The following TUT4 variants were observed in gnomAD, a reference collection of about 807,000 sequenced individuals.
TUT4 encodes the protein terminal uridylyltransferase 4.
In TUT4, 36 loss-of-function variants were observed where a neutral mutation model predicts 192.2. That is an observed-to-expected ratio of 0.19 (90% CI 0.14 to 0.25). The LOEUF is 0.25. TUT4 is among the 10% of genes least tolerant of loss of function. The pLI, the probability that TUT4 is intolerant of heterozygous loss-of-function variation, is 1.00. For missense variants in TUT4, 1,493 were observed against 1,957.2 expected, an observed-to-expected ratio of 0.76 and a Z score of 4.47; for synonymous variants, 618 against 666.0, an observed-to-expected ratio of 0.93 and a Z score of 1.11.
intron 20 of TUT4, among the ~76,000 whole-genome samples, chr1:52,453,094 C>T (rs953995126): frequency 6.6e-6 from 1 of 152,044 alleles, no homozygotes; most frequent in Admixed American, 6.6e-5. Flanking sequence ...ATAGAAAAAA[C>T]ATTTTGGGGG....
intron 2 of TUT4, among the ~76,000 whole-genome samples, chr1:52,518,390 G>A (rs955140581): frequency 3.3e-5 from 5 of 152,216 alleles, no homozygotes; most frequent in African/African-American, 1.2e-4. Flanking sequence ...TGTCTGGTGA[G>A]GGCTCTCTCC....
chr1:52,459,822 C>T (rs1662061007), intron 19 of TUT4, among the ~76,000 whole-genome samples: 5 of 151,860 alleles, frequency 3.3e-5, no homozygotes, highest in Admixed American at 6.6e-5. Context: ...GTGGAGGTTG[C>T]AGTGAGCCGA....
intron 1 of TUT4, among the ~76,000 whole-genome samples, chr1:52,546,377 G>C (rs1688097519): frequency 6.6e-6 from 1 of 152,104 alleles, no homozygotes; most frequent in African/African-American, 2.4e-5. Context: ...TAAAAAAGAA[G>C]GAAATTCTGC....
At chr1:52,424,817 C>T (rs1006746833) in intron 29 of TUT4, 8 of 152,296 alleles carry the variant, frequency 5.3e-5, no homozygotes, top group African/African-American at 1.9e-4. Context: ...GCTCAGTAAA[C>T]CAAGTCCAAA....
At chr1:52,512,425 A>G (rs1446219267) in intron 3 of TUT4, among the ~76,000 whole-genome samples, 1 of 152,230 alleles carries the variant, frequency 6.6e-6, no homozygotes, top group Non-Finnish European at 1.5e-5. Context: ...ATGTTTAAAG[A>G]ATTTAAATAA....
At chr1:52,536,052 G>A (rs1684813421) in intron 1 of TUT4, among the ~76,000 whole-genome samples, 1 of 152,130 alleles carries the variant, frequency 6.6e-6, no homozygotes, top group African/African-American at 2.4e-5. Context: ...TCCATAACAA[G>A]AAATAAAGAA....
At chr1:52,463,238 C>G (rs1330644147) in intron 16 of TUT4, 42 of 986,908 alleles carry the variant, frequency 4.3e-5, no homozygotes, top group South Asian at 1.4e-4. Flanking sequence ...AAACTCTAAC[C>G]TCTTTCCTGG....
chr1:52,543,782 C>T (rs1445671030), intron 1 of TUT4, among the ~76,000 whole-genome samples: 4 of 151,750 alleles, frequency 2.6e-5, no homozygotes, highest in Non-Finnish European at 5.9e-5. Flanking sequence ...CTGTGCCTGG[C>T]CTTACTGTTG....
intron 20 of TUT4, among the ~76,000 whole-genome samples, chr1:52,448,116 A>G (rs1658129019): frequency 6.6e-6 from 1 of 152,256 alleles, no homozygotes; most frequent in African/African-American, 2.4e-5. Context: ...AGCCACATAG[A>G]GAACACTTAA....
rs75937697 is a variant in TUT4, at chr1:52,460,311, G to A, written c.3321+823C>T. On this transcript the variant is annotated intron_variant, in intron 19 of 29. Transcript: ENST00000257177. ...AGCCTGGCCAACATGGTGAAACCCC[G>A]TCTCTACTAAAAATACAAAAATTAG... Among the ~76,000 whole-genome samples the A allele has an allele frequency of 6.6e-5, 10 of 152,150 alleles. No individual in the cohort carries two copies. In the East Asian group the frequency reaches 1.4e-3, roughly 21 times the overall value.
At chr1:52,533,504 C>T (rs1328319546) in intron 1 of TUT4, among the ~76,000 whole-genome samples, 1 of 152,158 alleles carries the variant, frequency 6.6e-6, no homozygotes, top group East Asian at 1.9e-4. Flanking sequence ...TTCTTGGGAG[C>T]TTTCTGGTCG....
Position 52,475,178 on chromosome 1 carries a change from C to A in TUT4, c.2381G>T (p.Gly794Val), listed in dbSNP as rs1383723008. Residue 794 changes from glycine to valine, a missense_variant, in exon 13 of 30, where the codon GGA becomes GTA. By Grantham distance (109) the Gly-to-Val change is moderately radical (BLOSUM62 -3). Transcript: ENST00000257177. ...LVNELDFADHGQDSSSLSTSK... is the reference protein window; with the variant it reads ...LVNELDFADHVQDSSSLSTSK... ...GGTAGAAAGAGATGAAGAGTCCTGTCCGTGGTCAGCAAAATCTAGTTCATT... is the reference window on the plus strand; with the variant it reads ...GGTAGAAAGAGATGAAGAGTCCTGTACGTGGTCAGCAAAATCTAGTTCATT... 1 of 1,614,090 alleles carries A rather than the reference C, an allele frequency of 6.2e-7. No individual in the cohort carries two copies. The highest frequency in any genetic ancestry group is 1.7e-5 in the Admixed American group (1 of 60,014).
At chr1:52,513,616 A>G (rs908041597) in intron 3 of TUT4, among the ~76,000 whole-genome samples, 9 of 152,148 alleles carry the variant, frequency 5.9e-5, no homozygotes, top group African/African-American at 2.2e-4. Flanking sequence ...ATGTTTTCCA[A>G]TGCTTCCAAG....
At chr1:52,444,613 GTCAGT>G (rs1212560190) in intron 24 of TUT4, among the ~76,000 whole-genome samples, 1 of 150,492 alleles carries the variant, frequency 6.6e-6, no homozygotes, top group Non-Finnish European at 1.5e-5. Context: ...TAACATTTGA[GTCAGT>G]GGGCTGGGGA....
Position 52,488,955 on chromosome 1 carries a change from T to A in TUT4, c.1469A>T (p.Glu490Val). ...TAACACCAAGGGAATAAAGACAGGT[T>A]CTATTTTGCCAAGGGCAGTAAGTAA... ...TDLLTALGKI[E>V]PVFIPLVLAF... Residue 490 changes from glutamate (E) to valine (V), a missense_variant, in exon 9 of 30, where the codon GAA becomes GTA. Glu to Val is a moderately radical substitution (Grantham distance 121, BLOSUM62 -2). Coordinates refer to ENST00000257177, the MANE Select transcript of TUT4 (RefSeq NM_001009881.3). 1 of 1,613,902 alleles carries A rather than the reference T, an allele frequency of 6.2e-7. No individual in the cohort carries two copies. Among genetic ancestry groups the A allele is most frequent in the Non-Finnish European group, 8.5e-7 (1 of 1,179,892 alleles).
chr1:52,448,373 A>G (rs904201870), intron 20 of TUT4, among the ~76,000 whole-genome samples: 1 of 152,136 alleles, frequency 6.6e-6, no homozygotes, highest in Non-Finnish European at 1.5e-5. Flanking sequence ...GGATCACCTG[A>G]GGTCAGGAGT....
chr1:52,538,577 G>T (rs530638101), intron 1 of TUT4: 1 of 149,848 alleles, frequency 6.7e-6, no homozygotes, highest in East Asian at 2.0e-4. Context: ...CACTTGGGAG[G>T]TGAAGGCTAC....
In TUT4 at chr1:52,471,920, A is replaced by T. The variant is rs904895717; in HGVS notation, c.2878+32T>A. ...ATATTTAATATCTAAGAAGGAATCTAGTCCCAATAGTTGTAGTAATGAAAG... is the reference window on the plus strand; with the variant it reads ...ATATTTAATATCTAAGAAGGAATCTTGTCCCAATAGTTGTAGTAATGAAAG... On this transcript the variant is annotated intron_variant, in intron 14 of 29. Coordinates refer to ENST00000257177, the MANE Select transcript of TUT4 (RefSeq NM_001009881.3). The T allele has an allele frequency of 3.2e-6, 5 of 1,577,638 alleles. No homozygotes were observed. The African/African-American group carries it at 6.8e-5, about 21-fold the overall frequency.
intron 5 of TUT4, 125 bp downstream of exon 5, chr1:52,496,881 A>C: frequency 1.1e-6 from 1 of 944,516 alleles, no homozygotes; most frequent in South Asian, 1.9e-5. Flanking sequence ...CATTCATAAA[A>C]CAATAAATTT....
Sources: gnomAD v4.1 joint callset for allele counts (sites outside exome capture counted in the v4.1 genomes callset) on GRCh38, gnomAD v4.1.1 for gene constraint, MANE v1.5 for transcripts, NCBI Gene and HGNC (gene_info 2026-07-23, HGNC 2026-07-21) for gene names.